WBP1L: variants seen among roughly 807,000 people sequenced by gnomAD.
WBP1L encodes WW domain binding protein 1 like.
WBP1L carries 17 observed loss-of-function variants against 33.7 expected under a neutral mutation model. That is an observed-to-expected ratio of 0.50 (90% CI 0.34 to 0.76). The LOEUF is 0.76. Among genes scored for constraint, WBP1L ranks in the 30% least tolerant of loss-of-function variants. The pLI, the probability that WBP1L is intolerant of heterozygous loss-of-function variation, is 0.01. For missense variants in WBP1L, 389 were observed against 469.4 expected (o/e 0.83, Z 1.58); for synonymous variants, 173 against 190.8 (o/e 0.91, Z 0.77).
chr10:102,769,196 G>C (rs1843154246), intron 1 of WBP1L, among the ~76,000 whole-genome samples: 1 of 152,158 alleles, frequency 6.6e-6, no homozygotes, highest in South Asian at 2.1e-4. Context: ...TGTTGCTCAG[G>C]CTGGTCTTGA....
intron 1 of WBP1L, among the ~76,000 whole-genome samples, chr10:102,765,920 C>A (rs1843100456): frequency 6.6e-6 from 1 of 152,158 alleles, no homozygotes; most frequent in Non-Finnish European, 1.5e-5. Context: ...GGTCAGCCAC[C>A]ATTGTACCCA....
intron 3 of WBP1L, among the ~76,000 whole-genome samples, chr10:102,810,990 A>ATCTC (rs138777840): frequency 3.5e-5 from 5 of 144,250 alleles, no homozygotes; most frequent in Admixed American, 1.4e-4. Context: ...TCATTCATCC[A>ATCTC]TCTCTCTCTC....
intron 1 of WBP1L, among the ~76,000 whole-genome samples, chr10:102,797,544 T>A (rs1181964095): frequency 1.3e-5 from 2 of 152,114 alleles, no homozygotes; most frequent in Admixed American, 1.3e-4. Context: ...TTTTTTTGTT[T>A]GTTTGTCTTT....
At chr10:102,795,774 G>A (rs762794518) in intron 1 of WBP1L, among the ~76,000 whole-genome samples, 1 of 152,192 alleles carries the variant, frequency 6.6e-6, no homozygotes, top group Admixed American at 6.5e-5. Flanking sequence ...AATGGCATTC[G>A]CAGGGCCTGG....
intron 1 of WBP1L, among the ~76,000 whole-genome samples, chr10:102,780,200 G>A (rs1054251331): frequency 1.3e-5 from 2 of 152,138 alleles, no homozygotes; most frequent in Non-Finnish European, 2.9e-5. Context: ...GACAGCTCAT[G>A]GAAGCTACAG....
chr10:102,777,501 C>G (rs1303921904), intron 1 of WBP1L, among the ~76,000 whole-genome samples: 1 of 150,782 alleles, frequency 6.6e-6, no homozygotes, highest in African/African-American at 2.4e-5. Flanking sequence ...GTTGACACAG[C>G]TGATGGGCAG....
chr10:102,767,892 G>A (rs1048151862), intron 1 of WBP1L, among the ~76,000 whole-genome samples: 8 of 152,182 alleles, frequency 5.3e-5, no homozygotes, highest in African/African-American at 1.9e-4. Flanking sequence ...ATGTGTACAT[G>A]TGTAGGGCCT....
In WBP1L at chr10:102,744,104, G is replaced by A. The variant is rs1483242012; in HGVS notation, c.51G>A (p.Ala17=). 1.3e-6 allele frequency: 2 copies of A among 1,550,660 alleles called. No individual in the cohort carries two copies. The highest frequency in any genetic ancestry group is 1.4e-5 in the African/African-American group (1 of 73,152). The change falls in exon 1 of 4, where the codon GCG becomes GCA. Residue 17 remains alanine (A), a synonymous_variant. Coordinates refer to ENST00000448841, the MANE Select transcript of WBP1L (RefSeq NM_001083913.2). ...GCATGGCGCTCCTGCTCCTCCAGGC[G>A]CTGCCCAGCCCCTTGTCAGCCAGGG... The part of the protein sequence containing the change: ...LGGMALLLLQ[A]LPSPLSARAE...
chr10:102,785,574 G>A (rs574375505), intron 1 of WBP1L, among the ~76,000 whole-genome samples: 37 of 152,090 alleles, frequency 2.4e-4, no homozygotes, highest in African/African-American at 8.5e-4. Flanking sequence ...AGGGCCACTA[G>A]TGCAATCCCC....
At chr10:102,781,640 C>G (rs946948473) in intron 1 of WBP1L, among the ~76,000 whole-genome samples, 10 of 152,078 alleles carry the variant, frequency 6.6e-5, no homozygotes, top group Non-Finnish European at 1.3e-4. Context: ...CCTCTTTCCA[C>G]CAGGTTGAGG....
chr10:102,758,859 C>G (rs1590168451), intron 1 of WBP1L, among the ~76,000 whole-genome samples: 1 of 152,152 alleles, frequency 6.6e-6, no homozygotes, highest in East Asian at 1.9e-4. Context: ...TTTAGGTAGC[C>G]AGAGCAGAGA....
intron 1 of WBP1L, among the ~76,000 whole-genome samples, chr10:102,756,792 G>C (rs932825066): frequency 1.3e-5 from 2 of 152,008 alleles, no homozygotes; most frequent in Admixed American, 6.6e-5. Context: ...CTGCAGGCCG[G>C]GTCCACTGGC....
At chr10:102,771,759 G>A (rs1183312476) in intron 1 of WBP1L, among the ~76,000 whole-genome samples, 3 of 149,994 alleles carry the variant, frequency 2.0e-5, no homozygotes, top group African/African-American at 4.9e-5. Flanking sequence ...AGTGAGCCAA[G>A]ATCGTGCCAC....
chr10:102,759,244 G>A (rs1271645200), intron 1 of WBP1L, among the ~76,000 whole-genome samples: 3 of 152,190 alleles, frequency 2.0e-5, no homozygotes, highest in Non-Finnish European at 2.9e-5. Context: ...GCCCTTATGC[G>A]GGCATGACAG....
At chr10:102,790,631 G>A (rs896150991) in intron 1 of WBP1L, among the ~76,000 whole-genome samples, 8 of 151,634 alleles carry the variant, frequency 5.3e-5, no homozygotes, top group Non-Finnish European at 8.8e-5. Context: ...CTGCCTCAGC[G>A]TCCGGAGTAG....
chr10:102,765,412 T>G (rs1173804808), intron 1 of WBP1L, among the ~76,000 whole-genome samples: 1 of 152,126 alleles, frequency 6.6e-6, no homozygotes, highest in Non-Finnish European at 1.5e-5. Context: ...TTTGTATTTT[T>G]TTTGTGGAGA....
Position 102,777,180 on chromosome 10 carries a change from C to T in WBP1L, c.91-20813C>T, listed in dbSNP as rs1590177437. 1.3e-5 allele frequency among the ~76,000 whole-genome samples: 2 copies of T among 152,106 alleles called. 1 individual carries two copies. The highest frequency in any genetic ancestry group is 4.1e-4 in the South Asian group (2 of 4,820). On this transcript the variant is annotated intron_variant, in intron 1 of 3. Transcript: ENST00000448841. ...TCCAGGGCTTCTGAGAGTCAGACAC[C>T]CCCACCCCCTCTTCGTCTGAGAGGC... is the stretch of plus-strand genomic sequence containing the variant.
At chr10:102,765,647 C>T (rs988637872) in intron 1 of WBP1L, among the ~76,000 whole-genome samples, 4 of 152,268 alleles carry the variant, frequency 2.6e-5, no homozygotes, top group East Asian at 1.9e-4. Context: ...TGGAAGTGAA[C>T]GTTTCACATC....
At chr10:102,748,220 C>T (rs1381552406) in intron 1 of WBP1L, among the ~76,000 whole-genome samples, 1 of 151,646 alleles carries the variant, frequency 6.6e-6, no homozygotes, top group Non-Finnish European at 1.5e-5. Flanking sequence ...CGCGCCACTG[C>T]ACTCTCCAGC....
Sources: gnomAD v4.1 joint callset for allele counts (sites outside exome capture counted in the v4.1 genomes callset) on GRCh38, gnomAD v4.1.1 for gene constraint, MANE v1.5 for transcripts, NCBI Gene and HGNC (gene_info 2026-07-23, HGNC 2026-07-21) for gene names.